The following INPP5A variants were observed in gnomAD, a reference collection of about 807,000 sequenced individuals.
INPP5A encodes 43 kDa inositol polyphosphate 5-phophatase.
A neutral mutation model predicts 65.2 loss-of-function variants in INPP5A; 14 were observed. The observed-to-expected ratio is 0.21, with a 90% CI of 0.14 to 0.34. The LOEUF is 0.34. Among genes scored for constraint, INPP5A ranks in the 10% least tolerant of loss-of-function variants. The pLI is 1.00. For missense variants in INPP5A, 431 were observed against 545.6 expected, an observed-to-expected ratio of 0.79 and a Z score of 2.09; for synonymous variants, 207 against 208.3, an observed-to-expected ratio of 0.99 and a Z score of 0.05.
chr10:132,570,136 G>A (rs1408837665), intron 1 of INPP5A, among the ~76,000 whole-genome samples: 2 of 150,410 alleles, frequency 1.3e-5, no homozygotes, highest in South Asian at 2.1e-4. Flanking sequence ...TAGTAGAGAC[G>A]GGGTTTCGCC....
intron 4 of INPP5A, among the ~76,000 whole-genome samples, chr10:132,652,313 A>G (rs184593126): frequency 1.0e-3 from 159 of 152,360 alleles, no homozygotes; most frequent in Non-Finnish European, 1.9e-3. Context: ...TGAAAAGTGG[A>G]TAGAAATCAC....
chr10:132,630,613 A>ACGTCCATGAGGGGAAGG (rs1564941148), intron 2 of INPP5A, among the ~76,000 whole-genome samples: 1 of 143,048 alleles, frequency 7.0e-6, no homozygotes, highest in African/African-American at 2.7e-5. Flanking sequence ...TGAGGGGAAG[A>ACGTCCATGAGGGGAAGG]CATCCATGAG....
At chr10:132,776,777 G>A (rs1019742944) in intron 12 of INPP5A, among the ~76,000 whole-genome samples, 2 of 152,204 alleles carry the variant, frequency 1.3e-5, no homozygotes, top group Non-Finnish European at 2.9e-5. Context: ...AGAACCTGCA[G>A]GCCCGGAAGT....
chr10:132,655,133 A>G (rs1280368568), intron 4 of INPP5A, among the ~76,000 whole-genome samples: 1 of 152,196 alleles, frequency 6.6e-6, no homozygotes, highest in Non-Finnish European at 1.5e-5. Context: ...CTGCGCCCGC[A>G]TGGAAAATGG....
At chr10:132,597,236 C>G (rs1390111705) in intron 1 of INPP5A, among the ~76,000 whole-genome samples, 1 of 152,234 alleles carries the variant, frequency 6.6e-6, no homozygotes, top group African/African-American at 2.4e-5. Flanking sequence ...ATTTGAAGCC[C>G]TAAGTGACAG....
In INPP5A at chr10:132,663,966, C is replaced by T. The variant is rs1236425576; in HGVS notation, c.306+13461C>T. Among the ~76,000 whole-genome samples, 1 of 152,234 alleles carries T rather than the reference C, an allele frequency of 6.6e-6. No homozygotes were observed. Among genetic ancestry groups the T allele is most frequent in the African/African-American group, 2.4e-5 (1 of 41,462 alleles). ...AGGCGTGATCGAGTGCCGTGTCACA[C>T]GCAGCCCAGGAAACAAACACGCCGC... On this transcript the variant is annotated intron_variant, in intron 4 of 15. Transcript: ENST00000368594. The surrounding 1 kb of genome is among the most constrained non-coding windows in gnomAD (Gnocchi z 4.5).
intron 6 of INPP5A, among the ~76,000 whole-genome samples, chr10:132,699,904 T>G (rs1180494933): frequency 6.6e-6 from 1 of 152,144 alleles, no homozygotes; most frequent in Non-Finnish European, 1.5e-5. Context: ...TTGGGCAAGA[T>G]CTGGGGGCCT....
intron 7 of INPP5A, 84 bp from the exon 8 acceptor site, chr10:132,710,253 C>G (rs887581426): frequency 3.8e-5 from 57 of 1,519,206 alleles, no homozygotes; most frequent in Admixed American, 5.8e-5. Context: ...CAGGTCTTAT[C>G]TTCCCGGGGA....
chr10:132,723,396 G>T (rs990014088), intron 8 of INPP5A, among the ~76,000 whole-genome samples: 3 of 152,252 alleles, frequency 2.0e-5, no homozygotes, highest in African/African-American at 7.2e-5. Flanking sequence ...CCAACTGACG[G>T]CCGCGTCTGT....
chr10:132,777,097 G>A (rs866407192), intron 12 of INPP5A, among the ~76,000 whole-genome samples: 11 of 152,156 alleles, frequency 7.2e-5, no homozygotes, highest in South Asian at 2.1e-4. Flanking sequence ...TCCCAGACCC[G>A]CAGAGGGCGT....
chr10:132,539,086 A>G (rs2070877846), intron 1 of INPP5A, among the ~76,000 whole-genome samples: 2 of 151,946 alleles, frequency 1.3e-5, no homozygotes, highest in Non-Finnish European at 2.9e-5. Flanking sequence ...CTGCCCCTGA[A>G]TCCTGAATCC....
Position 132,620,452 on chromosome 10 carries a change from A to C in INPP5A, c.117+12496A>C, listed in dbSNP as rs113817829. ...GTAGGCTGTTAGAAGCAGCCAGGCC[A>C]CATCTTTCTTGAGCACTTTGCTGCT... On this transcript the variant is annotated intron_variant, in intron 2 of 15. Transcript: ENST00000368594. Among the ~76,000 whole-genome samples the C allele has an allele frequency of 8.1e-3, 1,233 of 152,278 alleles. 14 individuals carry two copies. Among genetic ancestry groups the C allele is most frequent in the African/African-American group, 0.028 (1,182 of 41,546 alleles).
chr10:132,613,066 C>T (rs1005653154), intron 2 of INPP5A, among the ~76,000 whole-genome samples: 11 of 152,206 alleles, frequency 7.2e-5, no homozygotes, highest in African/African-American at 1.7e-4. Flanking sequence ...AGGCTCAGGC[C>T]GCCCAGAATC....
rs972925504 is a variant in INPP5A, at chr10:132,547,100, C to G, written c.75+8929C>G. Among the ~76,000 whole-genome samples the G allele has an allele frequency of 6.6e-6, 1 of 152,246 alleles. No individual in the cohort carries two copies. The highest frequency in any genetic ancestry group is 2.4e-5 in the African/African-American group (1 of 41,470). On this transcript the variant is annotated intron_variant, in intron 1 of 15. Coordinates refer to ENST00000368594, the MANE Select transcript of INPP5A (RefSeq NM_005539.5). The surrounding 1 kb of genome is among the most constrained non-coding windows in gnomAD (Gnocchi z 5.5). ...GGAGAGGAAATCCCGCCTTCAGTGC[C>G]AGGTGCCAGGCCACAGTCCAGGTTC...
At chr10:132,718,702 A>T (rs1845795132) in intron 8 of INPP5A, among the ~76,000 whole-genome samples, 1 of 145,670 alleles carries the variant, frequency 6.9e-6, no homozygotes, top group Non-Finnish European at 1.5e-5. Context: ...TGAGCGCCTT[A>T]GACGGTTGTC....
chr10:132,564,917 T>C (rs1050750387), intron 1 of INPP5A, among the ~76,000 whole-genome samples: 1 of 152,182 alleles, frequency 6.6e-6, no homozygotes, highest in Non-Finnish European at 1.5e-5. Context: ...CCATGGGCTC[T>C]GGGCTGTGCT....
At chr10:132,728,875 C>T (rs977456441) in intron 9 of INPP5A, among the ~76,000 whole-genome samples, 4 of 152,166 alleles carry the variant, frequency 2.6e-5, no homozygotes, top group African/African-American at 4.8e-5. Flanking sequence ...GTGGCCGGGC[C>T]GTGTGACCAC....
chr10:132,636,835 A>G (rs1239492470), intron 2 of INPP5A, among the ~76,000 whole-genome samples: 1 of 152,234 alleles, frequency 6.6e-6, no homozygotes, highest in Non-Finnish European at 1.5e-5. Context: ...GATGTTTAGG[A>G]AAGGTCATTC....
At chr10:132,771,195 C>A (rs1846941355) in intron 12 of INPP5A, among the ~76,000 whole-genome samples, 1 of 152,194 alleles carries the variant, frequency 6.6e-6, no homozygotes, top group African/African-American at 2.4e-5. Flanking sequence ...AGATGAGGGC[C>A]ATGTCATCCC....
Sources: gnomAD v4.1 joint callset for allele counts (sites outside exome capture counted in the v4.1 genomes callset) on GRCh38, gnomAD v4.1.1 for gene constraint, Gnocchi (gnomAD v3.1) non-coding constraint, MANE v1.5 for transcripts, NCBI Gene and HGNC (gene_info 2026-07-23, HGNC 2026-07-21) for gene names.